Variants in POU6F2 observed in about 807,000 individuals in gnomAD.
The protein encoded by POU6F2 is POU class 6 homeobox 2.
In POU6F2, 31 loss-of-function variants were observed where a neutral mutation model predicts 71.3. The observed-to-expected ratio is 0.43, with a 90% confidence interval of 0.33 to 0.59. POU6F2 has a LOEUF of 0.59. Among genes scored for constraint, POU6F2 ranks in the 20% least tolerant of loss-of-function variants. The probability of loss-of-function intolerance (pLI) is 0.04; values close to 1 mark genes in which losing one functional copy is unlikely to be tolerated. For synonymous variants in POU6F2, 347 were observed against 355.7 expected (o/e 0.98, Z 0.27); for missense variants, 783 against 856.8 (o/e 0.91, Z 1.07).
chr7:39,082,910 A>G (rs988088449), intron 1 of POU6F2, among the ~76,000 whole-genome samples: 8 of 152,084 alleles, frequency 5.3e-5, no homozygotes, highest in Admixed American at 3.3e-4. Flanking sequence ...TTAAATGAGT[A>G]CTTGAATGAC....
chr7:39,095,561 A>C (rs932924383), intron 2 of POU6F2, among the ~76,000 whole-genome samples: 1 of 152,198 alleles, frequency 6.6e-6, no homozygotes, highest in African/African-American at 2.4e-5. Context: ...ATAATGATAC[A>C]ATAACCTGAA....
At chr7:39,176,240 G>A (rs746839807) in intron 2 of POU6F2, among the ~76,000 whole-genome samples, 13 of 152,166 alleles carry the variant, frequency 8.5e-5, no homozygotes, top group Non-Finnish European at 1.6e-4. Flanking sequence ...CAAGATTCAG[G>A]TGATGGTGCT....
At chr7:39,418,959 A>ATGTGTG (rs1787755172) in intron 6 of POU6F2, among the ~76,000 whole-genome samples, 4 of 138,112 alleles carry the variant, frequency 2.9e-5, no homozygotes, top group African/African-American at 1.1e-4. Flanking sequence ...ATATATGTAT[A>ATGTGTG]TATATGTGTA....
At chr7:39,085,692 TGCAGCCAGCAATAACAGCGGGA>T (rs1791224683) in intron 1 of POU6F2, 146 bp from the exon 2 acceptor site, 1 of 679,164 alleles carries the variant, frequency 1.5e-6, no homozygotes, top group South Asian at 1.8e-5. Context: ...TTCACTTGAC[TGCAGCCAGCAATAACAGCGGGA>T]GCAGCCAGAG....
At chr7:39,068,010 A>C (rs2128717439) in intron 1 of POU6F2, among the ~76,000 whole-genome samples, 1 of 152,204 alleles carries the variant, frequency 6.6e-6, no homozygotes, top group African/African-American at 2.4e-5. Context: ...TTAACCCGTA[A>C]TTTCACTCCT....
At chr7:39,243,784 G>T (rs1783767303) in intron 4 of POU6F2, among the ~76,000 whole-genome samples, 1 of 151,954 alleles carries the variant, frequency 6.6e-6, no homozygotes, top group African/African-American at 2.4e-5. Flanking sequence ...CAGAAATGAA[G>T]TCCCCAGAAT....
At chr7:39,007,643 A>G (rs542515014) in intron 1 of POU6F2, among the ~76,000 whole-genome samples, 119 of 152,300 alleles carry the variant, frequency 7.8e-4, no homozygotes, top group African/African-American at 2.7e-3. Context: ...ATCATCTAGC[A>G]TTAGGTATAT....
At chr7:39,049,930 A>C (rs1253232643) in intron 1 of POU6F2, among the ~76,000 whole-genome samples, 1 of 151,794 alleles carries the variant, frequency 6.6e-6, no homozygotes, top group East Asian at 1.9e-4. Context: ...ATTCACTGCT[A>C]TTTTCCTTCT....
At chr7:39,039,946 G>A (rs955286207) in intron 1 of POU6F2, among the ~76,000 whole-genome samples, 2 of 119,088 alleles carry the variant, frequency 1.7e-5, no homozygotes, top group Non-Finnish European at 3.9e-5. Context: ...TGGAATCCTG[G>A]GCTTAAGTGG....
chr7:39,054,253 A>T (rs919225494), intron 1 of POU6F2, among the ~76,000 whole-genome samples: 6 of 152,146 alleles, frequency 3.9e-5, no homozygotes, highest in African/African-American at 1.4e-4. Context: ...TTTGAGAATA[A>T]TAATTATTAT....
At chr7:39,097,311 T>C (rs977328235) in intron 2 of POU6F2, among the ~76,000 whole-genome samples, 2 of 152,132 alleles carry the variant, frequency 1.3e-5, no homozygotes, top group African/African-American at 4.8e-5. Flanking sequence ...TTTATAGAAG[T>C]TAGAAGAACA....
chr7:39,289,513 A>T (rs1784709869), intron 4 of POU6F2, among the ~76,000 whole-genome samples: 1 of 152,162 alleles, frequency 6.6e-6, no homozygotes, highest in Admixed American at 6.5e-5. Flanking sequence ...AAAATTGTCA[A>T]GGTCTTTTAG....
At chr7:39,213,269 G>C (rs3924221) in intron 4 of POU6F2, among the ~76,000 whole-genome samples, 15,082 of 152,240 alleles carry the variant, frequency 0.099, 824 homozygotes, top group Middle Eastern at 0.15. Flanking sequence ...CTTCACTCTA[G>C]CAGGAAACCT....
intron 6 of POU6F2, among the ~76,000 whole-genome samples, chr7:39,432,616 T>A (rs28651247): frequency 4.0e-5 from 6 of 151,598 alleles, no homozygotes; most frequent in Non-Finnish European, 8.8e-5. Flanking sequence ...AGCTGGATGT[T>A]GGTGGAGGGA....
At chr7:39,204,413 T>G (rs1445801433) in intron 3 of POU6F2, 87 bp downstream of exon 3, 5 of 1,075,454 alleles carry the variant, frequency 4.6e-6, no homozygotes, top group Non-Finnish European at 6.7e-6. Flanking sequence ...ATGAGTTAAA[T>G]CCAATTGACT....
chr7:39,467,253 AG>A lies in POU6F2; in HGVS notation c.*2568del. The A allele has an allele frequency of 6.6e-6, 1 of 152,318 alleles. No homozygotes were observed. Among genetic ancestry groups the A allele is most frequent in the Non-Finnish European group, 1.5e-5 (1 of 68,036 alleles). 9.4% of individuals were successfully genotyped at this position (152,318 alleles called of 1,614,324 possible). A position where few individuals can be genotyped will look rare whatever the true frequency, so the allele number is the denominator to read the frequency against. ...AATGCTTCTTATATTAATTTTTTAC[AG>A]ATAAATTTTTTGCTACAAGGCATAA... On this transcript the variant is annotated 3_prime_UTR_variant, in exon 10 of 10. Transcript: ENST00000518318.
intron 4 of POU6F2, among the ~76,000 whole-genome samples, chr7:39,291,445 G>C (rs7803411): frequency 0.46 from 70,004 of 151,984 alleles, 16,916 homozygotes; most frequent in Admixed American, 0.59. Flanking sequence ...ATCTTGTTTT[G>C]CTCTTTATGA....
intron 2 of POU6F2, among the ~76,000 whole-genome samples, chr7:39,098,419 G>A (rs1181070794): frequency 2.0e-5 from 3 of 151,720 alleles, no homozygotes; most frequent in African/African-American, 7.3e-5. Flanking sequence ...TACTACAGGC[G>A]TGTACCATCA....
chr7:39,410,588 C>T (rs540961477), intron 6 of POU6F2, among the ~76,000 whole-genome samples: 2 of 152,260 alleles, frequency 1.3e-5, no homozygotes, highest in South Asian at 2.1e-4. Context: ...ATAACTGGCT[C>T]TGTGACGTCG....
Sources: gnomAD v4.1 joint callset for allele counts (sites outside exome capture counted in the v4.1 genomes callset) on GRCh38, gnomAD v4.1.1 for gene constraint, MANE v1.5 for transcripts, NCBI Gene and HGNC (gene_info 2026-07-23, HGNC 2026-07-21) for gene names.